THBS4: variants seen among roughly 807,000 people sequenced by gnomAD.
THBS4 encodes the protein thrombospondin 4.
Under a neutral mutation model 115.7 loss-of-function variants are expected in THBS4, and 90 were observed. The observed-to-expected ratio is 0.78, with a 90% CI of 0.66 to 0.93. THBS4 has a LOEUF of 0.93. THBS4 is among the 40% of genes least tolerant of loss of function. The pLI, the probability that THBS4 is intolerant of heterozygous loss-of-function variation, is 0.00. For missense variants in THBS4, 1,087 were observed against 1,232.7 expected, an observed-to-expected ratio of 0.88 and a Z score of 1.77; for synonymous variants, 460 against 479.3, an observed-to-expected ratio of 0.96 and a Z score of 0.53.
chr5:80,003,762 C>G (rs1405627175), intron 2 of THBS4, among the ~76,000 whole-genome samples: 1 of 152,186 alleles, frequency 6.6e-6, no homozygotes, highest in African/African-American at 2.4e-5. Context: ...CTGAAGACCC[C>G]CTTCTTATGT....
At chr5:80,027,176 C>G (rs897988884) in intron 2 of THBS4, among the ~76,000 whole-genome samples, 12 of 152,144 alleles carry the variant, frequency 7.9e-5, no homozygotes, top group Non-Finnish European at 1.8e-4. Flanking sequence ...TTCCACCTTC[C>G]TGGCAAACAA....
chr5:80,050,832 G>A (rs1006166460), intron 2 of THBS4, among the ~76,000 whole-genome samples: 3 of 152,282 alleles, frequency 2.0e-5, no homozygotes, highest in Non-Finnish European at 1.5e-5. Flanking sequence ...AGATAGAGTC[G>A]GTTAGGTCTG....
chr5:80,025,340 A>C (rs1253336763), intron 2 of THBS4, among the ~76,000 whole-genome samples: 1 of 152,220 alleles, frequency 6.6e-6, no homozygotes. Context: ...AACTAGTCAT[A>C]ATCTCGCAGA....
intron 2 of THBS4, among the ~76,000 whole-genome samples, chr5:80,022,247 CT>C (rs1832392749): frequency 6.6e-6 from 1 of 152,194 alleles, no homozygotes; most frequent in South Asian, 2.1e-4. Flanking sequence ...ACGTTTCTTG[CT>C]TTCTTGCCAG....
intron 8 of THBS4, among the ~76,000 whole-genome samples, chr5:80,064,026 G>A (rs1340370430): frequency 6.6e-6 from 1 of 152,092 alleles, no homozygotes; most frequent in East Asian, 1.9e-4. Context: ...ATGTAGTCTG[G>A]GAACTTTGGA....
chr5:80,082,845 C>T (rs1159653187), intron 21 of THBS4, among the ~76,000 whole-genome samples: 4 of 152,098 alleles, frequency 2.6e-5, no homozygotes, highest in East Asian at 1.9e-4. Flanking sequence ...AACATAATCA[C>T]AGATGCAAAA....
intron 1 of THBS4, among the ~76,000 whole-genome samples, chr5:79,995,762 C>A (rs1831779213): frequency 6.7e-6 from 1 of 149,470 alleles, no homozygotes; most frequent in South Asian, 2.2e-4. Context: ...GTAGATAAAT[C>A]AGTTACCTTC....
intron 2 of THBS4, 140 bp from the exon 3 acceptor site, chr5:80,055,645 C>A: frequency 8.3e-7 from 1 of 1,209,172 alleles, no homozygotes. Context: ...GTGGTTATTT[C>A]TCACTCACAT....
At chr5:80,058,962 G>A (rs1833530142) in intron 5 of THBS4, among the ~76,000 whole-genome samples, 172 bp downstream of exon 5, 1 of 151,840 alleles carries the variant, frequency 6.6e-6, no homozygotes, top group South Asian at 2.1e-4. Flanking sequence ...TGGAAATGGG[G>A]TCCAAGCTCG....
Position 80,055,638 on chromosome 5 carries a change from GTTAT to G in THBS4, c.293-144_293-141del, listed in dbSNP as rs890833119. 2.3e-5 allele frequency: 26 copies of G among 1,146,246 alleles called. No individual in the cohort carries two copies. The African/African-American group carries it at 2.5e-4, about 11-fold the overall frequency. 71.0% of individuals were successfully genotyped at this position (1,146,246 alleles called of 1,614,324 possible). A position where few individuals can be genotyped will look rare whatever the true frequency, so the allele number is the denominator to read the frequency against. ...AGAAGATGGTGAATCAATATTTGTG[GTTAT>G]TTCTCACTCACATTCCGTCCAGCAA... is the stretch of plus-strand genomic sequence containing the variant. On this transcript the variant is annotated intron_variant, in intron 2 of 21. Coordinates refer to ENST00000350881, the MANE Select transcript of THBS4 (RefSeq NM_003248.6).
chr5:80,006,662 G>A (rs1169545151), intron 2 of THBS4, among the ~76,000 whole-genome samples: 10 of 152,140 alleles, frequency 6.6e-5, no homozygotes, highest in African/African-American at 2.2e-4. Flanking sequence ...CACCCTGCTG[G>A]CAGTCCCACA....
At chr5:80,077,904 C>T (rs908196580) in intron 16 of THBS4, 145 bp from the exon 17 acceptor site, 1 of 656,474 alleles carries the variant, frequency 1.5e-6, no homozygotes, top group Non-Finnish European at 2.3e-6. Flanking sequence ...GTCCCCAGGG[C>T]TCCTCTCCCA....
At position 80,068,126 on chromosome 5, in the gene THBS4, G is replaced by GT. The variant is rs1202060343; in HGVS notation, c.1347+2dup. On this transcript the variant is annotated splice_donor_variant, in intron 10 of 21. Transcript: ENST00000350881. LOFTEE classifies it high-confidence loss of function. ...GAGGCAGGGGGATGTGACATGTGTG[G>GT]TAAGTTGTTTTTTGACTTCCTCTAT... 2 of 1,613,060 alleles carry GT rather than the reference G, an allele frequency of 1.2e-6. No individual in the cohort carries two copies. Among genetic ancestry groups the GT allele is most frequent in the African/African-American group, 2.7e-5 (2 of 74,876 alleles).
chr5:80,068,310 C>T lies in THBS4; in HGVS notation c.1347+185C>T, dbSNP rs41272280. Among the ~76,000 whole-genome samples the T allele has an allele frequency of 1.6e-3, 251 of 152,282 alleles. 3 individuals carry two copies. The highest frequency in any genetic ancestry group is 1.8e-3 in the Non-Finnish European group (120 of 68,036). On this transcript the variant is annotated intron_variant, in intron 10 of 21. Transcript: ENST00000350881. ...GGGGAGCAGCCTGACATCCATCTAA[C>T]CATCAGCTGCCTTTTCTCTCCCTCT...
intron 15 of THBS4, 79 bp from the exon 16 acceptor site, chr5:80,076,776 C>T (rs1743238167): frequency 1.5e-6 from 2 of 1,347,444 alleles, no homozygotes; most frequent in Non-Finnish European, 2.0e-6. Flanking sequence ...ACCTCAAGCA[C>T]AGACTCTCCT....
At chr5:80,010,968 T>C (rs988247727) in intron 2 of THBS4, among the ~76,000 whole-genome samples, 1 of 152,202 alleles carries the variant, frequency 6.6e-6, no homozygotes, top group Non-Finnish European at 1.5e-5. Context: ...GACCTGGAAA[T>C]AGCATTGATA....
intron 2 of THBS4, among the ~76,000 whole-genome samples, chr5:80,048,990 C>T (rs1833165281): frequency 6.6e-6 from 1 of 152,138 alleles, no homozygotes; most frequent in Admixed American, 6.5e-5. Flanking sequence ...AAGAGCAAAG[C>T]CATTTGCCAA....
rs918507936 is a variant in THBS4 at position 80,072,278 on chromosome 5, G to A, written c.1721G>A (p.Gly574Glu). Reference sequence around the variant, plus strand: ...TCAAGGTAGCATTTCTTTCTCACAGGAATAAAAAACATTCTGGACAACTGC... The same window carrying A: ...TCAAGGTAGCATTTCTTTCTCACAGAAATAAAAAACATTCTGGACAACTGC... ...DACDDDMDGD[G>E]IKNILDNCPK... is the part of the protein sequence containing the mutation. Residue 574 changes from glycine to glutamate, a missense_variant and splice_region_variant, in exon 14 of 22, where the codon GGA becomes GAA. Gly to Glu is a moderately conservative substitution (Grantham distance 98). This residue lies in a region of THBS4 where 979 missense variants were observed against 1,103.7 expected (regional missense o/e 0.89). Coordinates refer to ENST00000350881, the MANE Select transcript of THBS4 (RefSeq NM_003248.6). The A allele has an allele frequency of 6.2e-7, 1 of 1,613,868 alleles. No individual in the cohort carries two copies. The highest frequency in any genetic ancestry group is 1.3e-5 in the African/African-American group (1 of 75,012).
At chr5:80,002,565 A>G (rs1244034083) in intron 2 of THBS4, among the ~76,000 whole-genome samples, 1 of 151,988 alleles carries the variant, frequency 6.6e-6, no homozygotes, top group Non-Finnish European at 1.5e-5. Flanking sequence ...TTTTTCATCA[A>G]ATCTTTTAAA....
Sources: allele counts gnomAD v4.1 joint callset (sites outside exome capture counted in the v4.1 genomes callset), GRCh38; gene constraint gnomAD v4.1.1; regional missense constraint gnomAD v4.1.1; transcripts MANE v1.5; gene names NCBI Gene and HGNC (gene_info 2026-07-23, HGNC 2026-07-21).